Variants in SLC24A2 observed in about 807,000 individuals in gnomAD.
SLC24A2 encodes sodium/potassium/calcium exchanger 2.
SLC24A2 carries 36 observed loss-of-function variants against 62.0 expected under a neutral mutation model. The ratio of observed to expected loss-of-function variants is 0.58; its 90% CI spans 0.44 to 0.77. The LOEUF (loss-of-function observed/expected upper bound fraction) is 0.77. Ranked by LOEUF, SLC24A2 falls within the 30% of genes least tolerant of loss-of-function variation. The pLI is 0.00. For synonymous variants in SLC24A2, 358 were observed against 294.0 expected (o/e 1.22, Z -2.23); for missense variants, 846 against 817.9 (o/e 1.03, Z -0.42).
At chr9:19,635,631 TC>T (rs1325484402) in intron 2 of SLC24A2, among the ~76,000 whole-genome samples, 5 of 152,206 alleles carry the variant, frequency 3.3e-5, no homozygotes, top group African/African-American at 1.2e-4. Flanking sequence ...TATTGACATT[TC>T]TCTCAAAATA....
chr9:19,909,549 A>C, the SLC24A2 span, among the ~76,000 whole-genome samples: 4 of 152,088 alleles, frequency 2.6e-5, no homozygotes, highest in Non-Finnish European at 4.4e-5. Flanking sequence ...TTGGGGTTTA[A>C]GGGACTATAA....
chr9:19,544,437 T>G (rs914537578), intron 8 of SLC24A2, among the ~76,000 whole-genome samples: 1 of 152,080 alleles, frequency 6.6e-6, no homozygotes, highest in Admixed American at 6.6e-5. Context: ...ACATTTAAGG[T>G]TAATATTGTT....
the SLC24A2 span, among the ~76,000 whole-genome samples, chr9:20,054,754 T>C: frequency 6.6e-6 from 1 of 152,190 alleles, no homozygotes; most frequent in African/African-American, 2.4e-5. Flanking sequence ...GCACAAAATA[T>C]GTGGCCAAGA....
the SLC24A2 span, among the ~76,000 whole-genome samples, chr9:20,185,991 C>G: frequency 6.6e-6 from 1 of 152,126 alleles, no homozygotes; most frequent in Admixed American, 6.5e-5. Context: ...GGTTCCTGGC[C>G]TCTTGGGGCT....
rs775824450 is a variant in SLC24A2, at chr9:19,528,104, C to A, written c.1514G>T (p.Gly505Val). The change falls in exon 9 of 11, where the codon GGC becomes GTC. Residue 505 changes from glycine to valine, a missense_variant. Gly to Val is a moderately radical substitution (Grantham distance 109, BLOSUM62 -3). Coordinates refer to ENST00000341998, the MANE Select transcript of SLC24A2 (RefSeq NM_020344.4). ...SRKFFPITFF[G>V]SITWIAVFSY... ...GAATACTGCAATCCAGGTAATGGAG[C>A]CAAAGAACGTGATGGGAAAAAACTT... 6.3e-7 allele frequency: 1 copy of A among 1,597,420 alleles called. No individual in the cohort carries two copies. The highest frequency in any genetic ancestry group is 8.5e-7 in the Non-Finnish European group (1 of 1,171,420).
rs1287501932 is a variant in SLC24A2, at chr9:19,788,966, C to A, written c.-235G>T. On this transcript the variant is annotated 5_prime_UTR_variant, in exon 1 of 11. Coordinates refer to ENST00000341998, the MANE Select transcript of SLC24A2 (RefSeq NM_020344.4). ...CCAGTCCGCCGGCCCTCCGCCTACC[C>A]GCTCTGAGGCCCGGGCTCTGGCTCG... is the stretch of plus-strand genomic sequence containing the variant. 1 of 984,560 alleles carries A rather than the reference C, an allele frequency of 1.0e-6. No homozygotes were observed. Among genetic ancestry groups the A allele is most frequent in the African/African-American group, 1.7e-5 (1 of 57,218 alleles). 61.0% of individuals were successfully genotyped at this position (984,560 alleles called of 1,614,324 possible). A position where few individuals can be genotyped will look rare whatever the true frequency, so the allele number is the denominator to read the frequency against.
the SLC24A2 span, among the ~76,000 whole-genome samples, chr9:19,901,428 G>A: frequency 6.6e-6 from 1 of 152,264 alleles, no homozygotes; most frequent in East Asian, 1.9e-4. Context: ...TGGTTCTCCT[G>A]CAGGCTGGGA....
the SLC24A2 span, among the ~76,000 whole-genome samples, chr9:20,130,841 T>C: frequency 1.1e-3 from 167 of 152,106 alleles, 1 homozygote; most frequent in African/African-American, 3.8e-3. Context: ...ATGGTGAAGG[T>C]GGAAAAAATC....
At chr9:19,796,295 T>C in the SLC24A2 span, among the ~76,000 whole-genome samples, 2 of 152,162 alleles carry the variant, frequency 1.3e-5, no homozygotes, top group Admixed American at 6.5e-5. Flanking sequence ...TTGAGCTGCA[T>C]AGTATACTAA....
At chr9:19,852,214 T>C in the SLC24A2 span, among the ~76,000 whole-genome samples, 22 of 152,356 alleles carry the variant, frequency 1.4e-4, no homozygotes, top group African/African-American at 4.8e-4. Flanking sequence ...TCCTTGTAGA[T>C]TCTGGATATC....
chr9:20,241,882 A>T, the SLC24A2 span, among the ~76,000 whole-genome samples: 1 of 152,182 alleles, frequency 6.6e-6, no homozygotes, highest in Non-Finnish European at 1.5e-5. Flanking sequence ...CTGCAACATC[A>T]ATCGCCACCT....
chr9:19,523,385 C>T (rs928338361), intron 9 of SLC24A2, among the ~76,000 whole-genome samples: 1 of 152,062 alleles, frequency 6.6e-6, no homozygotes, highest in Non-Finnish European at 1.5e-5. Flanking sequence ...TTGTTGATGA[C>T]TATATGTGAG....
intron 4 of SLC24A2, among the ~76,000 whole-genome samples, chr9:19,609,164 G>A (rs1054814618): frequency 2.0e-5 from 3 of 152,230 alleles, no homozygotes; most frequent in East Asian, 3.9e-4. Flanking sequence ...CCACCAGGGC[G>A]CTTGCCATGC....
chr9:19,550,654 G>C (rs1834798882), intron 7 of SLC24A2, among the ~76,000 whole-genome samples: 2 of 151,406 alleles, frequency 1.3e-5, no homozygotes, highest in South Asian at 4.2e-4. Flanking sequence ...AGAGTCACAA[G>C]CTTTCAGGCT....
chr9:19,736,399 G>A (rs543794114), intron 2 of SLC24A2, among the ~76,000 whole-genome samples: 1 of 152,276 alleles, frequency 6.6e-6, no homozygotes, highest in Non-Finnish European at 1.5e-5. Context: ...CCAATCACCT[G>A]CAGCTTACAA....
chr9:19,963,062 C>T, the SLC24A2 span, among the ~76,000 whole-genome samples: 935 of 152,096 alleles, frequency 6.1e-3, 16 homozygotes, highest in African/African-American at 0.021. Flanking sequence ...GAAATAACGC[C>T]GCATATCTAC....
In SLC24A2 at chr9:19,508,839, A is replaced by C. The variant is rs1319587161; in HGVS notation, c.*7314T>G. On this transcript the variant is annotated 3_prime_UTR_variant, in exon 11 of 11. Transcript: ENST00000341998. ...AAATTTGTGATGAAGTTGAAACATT[A>C]AAGTTTTTAGTTGTGGGGACATCTT... The C allele has an allele frequency of 6.6e-6, 1 of 152,112 alleles. No individual in the cohort carries two copies. Among genetic ancestry groups the C allele is most frequent in the Non-Finnish European group, 1.5e-5 (1 of 68,028 alleles). 9.4% of individuals were successfully genotyped at this position (152,112 alleles called of 1,614,324 possible). A position where few individuals can be genotyped will look rare whatever the true frequency, so the allele number is the denominator to read the frequency against.
intron 2 of SLC24A2, among the ~76,000 whole-genome samples, chr9:19,684,521 T>C (rs1200548165): frequency 6.6e-6 from 1 of 152,036 alleles, no homozygotes; most frequent in Admixed American, 6.6e-5. Flanking sequence ...CAAGTGAGCA[T>C]AACAGCACCA....
At chr9:19,755,579 C>G (rs1822115776) in intron 2 of SLC24A2, among the ~76,000 whole-genome samples, 1 of 152,160 alleles carries the variant, frequency 6.6e-6, no homozygotes, top group South Asian at 2.1e-4. Context: ...GTTGGCCAGG[C>G]CTGTCCAACG....
Sources: gnomAD v4.1 joint callset for allele counts (sites outside exome capture counted in the v4.1 genomes callset) on GRCh38, gnomAD v4.1.1 for gene constraint, MANE v1.5 for transcripts, NCBI Gene and HGNC (gene_info 2026-07-23, HGNC 2026-07-21) for gene names.